MLLT3: variants seen among roughly 807,000 people sequenced by gnomAD.
MLLT3 encodes MLLT3 super elongation complex subunit.
Under a neutral mutation model 53.2 loss-of-function variants are expected in MLLT3, and 4 were observed. The observed-to-expected ratio is 0.08, with a 90% CI of 0.04 to 0.17. The LOEUF is 0.17. Among genes scored for constraint, MLLT3 ranks in the 10% least tolerant of loss-of-function variants. MLLT3 has a pLI of 1.00. For missense variants in MLLT3, 569 were observed against 684.0 expected, an observed-to-expected ratio of 0.83 and a Z score of 1.87; for synonymous variants, 283 against 230.6, an observed-to-expected ratio of 1.23 and a Z score of -2.06.
chr9:20,420,846 A>C lies in MLLT3; in HGVS notation c.421-6421T>G, dbSNP rs180833699. 4.6e-5 allele frequency among the ~76,000 whole-genome samples: 7 copies of C among 152,346 alleles called. No homozygotes were observed. In the East Asian group the frequency reaches 1.3e-3, roughly 29 times the overall value. On this transcript the variant is annotated intron_variant, in intron 4 of 10. Coordinates refer to ENST00000380338, the MANE Select transcript of MLLT3 (RefSeq NM_004529.4). ...ATCTCCTAATGCTATCCTTGAATAA[A>C]GTTCAGAAGTTTTATATGTATCCAT...
intron 8 of MLLT3, among the ~76,000 whole-genome samples, chr9:20,359,241 C>G (rs931875877): frequency 2.7e-5 from 4 of 150,938 alleles, no homozygotes; most frequent in Admixed American, 6.6e-5. Flanking sequence ...ACAAAAGGAT[C>G]CCAAATTTTC....
chr9:20,510,133 A>G (rs1587008130), intron 2 of MLLT3, among the ~76,000 whole-genome samples: 2 of 152,196 alleles, frequency 1.3e-5, no homozygotes, highest in African/African-American at 4.8e-5. Context: ...CAAATGATAA[A>G]CTAGAAGAAA....
intron 2 of MLLT3, among the ~76,000 whole-genome samples, chr9:20,595,250 C>A (rs1820229592): frequency 6.6e-6 from 1 of 151,992 alleles, no homozygotes; most frequent in African/African-American, 2.4e-5. Context: ...GCCTGTGGAT[C>A]CAGCTACACA....
chr9:20,350,366 C>A (rs934608138), intron 10 of MLLT3, among the ~76,000 whole-genome samples: 5 of 152,072 alleles, frequency 3.3e-5, no homozygotes, highest in Admixed American at 6.5e-5. Context: ...GAGGCCAAGG[C>A]GGGCGGATCA....
chr9:20,590,253 G>A (rs1334299447), intron 2 of MLLT3, among the ~76,000 whole-genome samples: 2 of 152,084 alleles, frequency 1.3e-5, no homozygotes, highest in Non-Finnish European at 2.9e-5. Flanking sequence ...AATGGCAGTT[G>A]TGCCTCCCTA....
rs28364659 is a variant in MLLT3 at position 20,622,470 on chromosome 9, A to G, written c.-214T>C. ...CCCCAAAAGCAAAAGCAGCAGCAGC[A>G]GCAGCAGCTCCAGGGTAAAGAAGAT... On this transcript the variant is annotated 5_prime_UTR_variant, in exon 1 of 11. Transcript: ENST00000380338. The G allele has an allele frequency of 5.8e-4, 313 of 540,930 alleles. 7 individuals carry two copies. In the East Asian group the frequency reaches 0.01, roughly 17 times the overall value. 33.5% of individuals were successfully genotyped at this position (540,930 alleles called of 1,614,324 possible).
chr9:20,546,098 A>G lies in MLLT3; in HGVS notation c.193+74556T>C, dbSNP rs1537070. ...TTCATATTCAACATATATTAAGCTA[A>G]TATTATTTCCAGATGATTTTTATTT... is the stretch of plus-strand genomic sequence containing the variant. On this transcript the variant is annotated intron_variant, in intron 2 of 10. Transcript: ENST00000380338. Among the ~76,000 whole-genome samples the G allele has an allele frequency of 0.011, 1,626 of 152,266 alleles. 68 individuals are homozygous for G. The East Asian group carries it at 0.15, about 14-fold the overall frequency.
intron 2 of MLLT3, among the ~76,000 whole-genome samples, chr9:20,610,545 G>A (rs1035534171): frequency 1.3e-5 from 2 of 151,958 alleles, no homozygotes; most frequent in African/African-American, 2.4e-5. Context: ...GTAAAGCCAG[G>A]GATTCTAAAA....
chr9:20,350,756 G>A (rs1442628694), intron 10 of MLLT3, among the ~76,000 whole-genome samples: 1 of 152,120 alleles, frequency 6.6e-6, no homozygotes. Context: ...TACTACGCAG[G>A]CTGTTGGATG....
At chr9:20,402,157 G>GT (rs1278293804) in intron 5 of MLLT3, among the ~76,000 whole-genome samples, 1 of 152,172 alleles carries the variant, frequency 6.6e-6, no homozygotes, top group Non-Finnish European at 1.5e-5. Context: ...CAAGCAAAAA[G>GT]TAAGTCAAAA....
chr9:20,376,361 C>A (rs1821765351), intron 5 of MLLT3, among the ~76,000 whole-genome samples: 1 of 152,136 alleles, frequency 6.6e-6, no homozygotes, highest in African/African-American at 2.4e-5. Context: ...CCATCATTTT[C>A]TGATGATAGA....
intron 4 of MLLT3, among the ~76,000 whole-genome samples, chr9:20,441,613 T>G (rs1353154510): frequency 6.6e-6 from 1 of 152,132 alleles, no homozygotes; most frequent in South Asian, 2.1e-4. Flanking sequence ...TTACATTTAT[T>G]TAAATAAACC....
At chr9:20,526,504 A>C (rs947611043) in intron 2 of MLLT3, among the ~76,000 whole-genome samples, 10 of 152,184 alleles carry the variant, frequency 6.6e-5, no homozygotes, top group African/African-American at 2.4e-4. Flanking sequence ...ATGGCTTCTT[A>C]AGAGTCATTC....
At chr9:20,573,231 G>T (rs942689060) in intron 2 of MLLT3, among the ~76,000 whole-genome samples, 1 of 149,692 alleles carries the variant, frequency 6.7e-6, no homozygotes, top group East Asian at 2.0e-4. Flanking sequence ...CCCAGGCTGA[G>T]TGTAGTGGCG....
rs150082424 is a variant in MLLT3 at position 20,504,892 on chromosome 9, G to C, written c.194-48106C>G. On this transcript the variant is annotated intron_variant, in intron 2 of 10. Coordinates refer to ENST00000380338, the MANE Select transcript of MLLT3 (RefSeq NM_004529.4). The stretch of plus-strand genomic sequence containing the variant: ...ATTTAAAAAATTATTTTTTTAAGTA[G>C]AAAAACTTGATGAGACCCATGTTTT... Among the ~76,000 whole-genome samples the C allele has an allele frequency of 5.3e-5, 8 of 151,842 alleles. No homozygotes were observed. In the East Asian group the frequency reaches 1.5e-3, roughly 29 times the overall value.
In MLLT3 at chr9:20,414,252, T is replaced by C. The variant is rs1176432075; in HGVS notation, c.594A>G (p.Lys198=). Residue 198 remains lysine, a synonymous_variant, in exon 5 of 11, where the codon AAA becomes AAG. Transcript: ENST00000380338. ...SSSTSFSKPH[K]LMKEHKEKPS... is the part of the protein sequence containing the mutation. ...GTTTTTCCTTGTGCTCCTTCATTAA[T>C]TTGTGAGGCTTTGAAAAACTGGTAC... 3.7e-6 allele frequency: 6 copies of C among 1,613,074 alleles called. No individual in the cohort carries two copies. Among genetic ancestry groups the C allele is most frequent in the Non-Finnish European group, 5.1e-6 (6 of 1,179,702 alleles).
At chr9:20,606,854 T>C (rs1820583984) in intron 2 of MLLT3, among the ~76,000 whole-genome samples, 1 of 152,192 alleles carries the variant, frequency 6.6e-6, no homozygotes. Context: ...GTAGTTCTCT[T>C]GCTATTGAAT....
At chr9:20,522,296 A>G (rs1416148723) in intron 2 of MLLT3, among the ~76,000 whole-genome samples, 2 of 152,018 alleles carry the variant, frequency 1.3e-5, no homozygotes, top group African/African-American at 4.8e-5. Context: ...AAAAAAAAAA[A>G]AAAGAATTTT....
intron 4 of MLLT3, among the ~76,000 whole-genome samples, chr9:20,439,645 T>C (rs1264952812): frequency 6.6e-6 from 1 of 152,078 alleles, no homozygotes; most frequent in Non-Finnish European, 1.5e-5. Flanking sequence ...TAATGGTAAG[T>C]TCTCAACAAC....
Sources: allele counts gnomAD v4.1 joint callset (sites outside exome capture counted in the v4.1 genomes callset), GRCh38; gene constraint gnomAD v4.1.1; transcripts MANE v1.5; gene names NCBI Gene and HGNC (gene_info 2026-07-23, HGNC 2026-07-21).